PDGFD: variants seen among roughly 807,000 people sequenced by gnomAD.
PDGFD encodes platelet derived growth factor D.
In PDGFD, 30 loss-of-function variants were observed where a neutral mutation model predicts 44.7. The observed-to-expected ratio is 0.67, with a 90% CI of 0.50 to 0.91. The LOEUF is 0.91. PDGFD is among the 40% of genes least tolerant of loss of function. The probability of loss-of-function intolerance (pLI) is 0.00; values close to 1 mark genes in which losing one functional copy is unlikely to be tolerated. For missense variants in PDGFD, 445 were observed against 457.8 expected (o/e 0.97, Z 0.25); for synonymous variants, 173 against 168.4 (o/e 1.03, Z -0.21).
chr11:104,041,870 A>C (rs1860359651), intron 1 of PDGFD, among the ~76,000 whole-genome samples: 1 of 152,238 alleles, frequency 6.6e-6, no homozygotes, highest in Non-Finnish European at 1.5e-5. Context: ...TCTTCACTGC[A>C]GGTATTAACT....
At chr11:103,911,133 G>C (rs1057190323) in intron 6 of PDGFD, among the ~76,000 whole-genome samples, 1 of 152,214 alleles carries the variant, frequency 6.6e-6, no homozygotes, top group Non-Finnish European at 1.5e-5. Flanking sequence ...GAGAACCTGG[G>C]GGAAGGGGTG....
chr11:104,106,198 C>T (rs920416105), intron 1 of PDGFD, among the ~76,000 whole-genome samples: 4 of 152,076 alleles, frequency 2.6e-5, no homozygotes, highest in Non-Finnish European at 4.4e-5. Context: ...CCTCCACGCA[C>T]GATAGTTGTA....
At chr11:104,126,853 G>GA (rs34656428) in intron 1 of PDGFD, among the ~76,000 whole-genome samples, 36,611 of 150,960 alleles carry the variant, frequency 0.24, 4,600 homozygotes, top group East Asian at 0.29. Context: ...CTCCAATTTA[G>GA]AAAAAAAAAT....
At chr11:104,054,723 G>A (rs978727290) in intron 1 of PDGFD, among the ~76,000 whole-genome samples, 1 of 152,154 alleles carries the variant, frequency 6.6e-6, no homozygotes, top group African/African-American at 2.4e-5. Flanking sequence ...GAATAGAAGG[G>A]TAAAGGGAAA....
At chr11:104,134,105 A>G (rs1861965542) in intron 1 of PDGFD, among the ~76,000 whole-genome samples, 1 of 152,142 alleles carries the variant, frequency 6.6e-6, no homozygotes, top group Non-Finnish European at 1.5e-5. Context: ...ATATTTTTGA[A>G]AAGTTATATT....
At chr11:104,159,166 A>C (rs1411364122) in intron 1 of PDGFD, among the ~76,000 whole-genome samples, 1 of 151,770 alleles carries the variant, frequency 6.6e-6, no homozygotes, top group Non-Finnish European at 1.5e-5. Context: ...AAAAAAAAAA[A>C]AAAAAAAACT....
At chr11:103,975,075 T>A (rs1859162685) in intron 3 of PDGFD, among the ~76,000 whole-genome samples, 1 of 152,206 alleles carries the variant, frequency 6.6e-6, no homozygotes, top group Admixed American at 6.5e-5. Context: ...CGCCACACTG[T>A]CTTCCACATT....
intron 1 of PDGFD, among the ~76,000 whole-genome samples, chr11:104,049,683 G>A (rs1040177982): frequency 2.6e-5 from 4 of 152,106 alleles, no homozygotes; most frequent in African/African-American, 7.2e-5. Flanking sequence ...AAACCAATGA[G>A]GTGAGAGGGA....
chr11:103,961,889 C>T (rs1858942535), intron 3 of PDGFD, among the ~76,000 whole-genome samples: 1 of 152,202 alleles, frequency 6.6e-6, no homozygotes, highest in African/African-American at 2.4e-5. Flanking sequence ...ACATACTGTA[C>T]TGCATTACAC....
At position 103,961,027 on chromosome 11, in the gene PDGFD, C is replaced by G. The variant is rs142928129; in HGVS notation, c.511-13303G>C. ...TTTAGGGAAAACCCTCACATTCAAT[C>G]CATAGCATCTTATTCACTTATTTCT... On this transcript the variant is annotated intron_variant, in intron 3 of 6. Transcript: ENST00000393158. Among the ~76,000 whole-genome samples the G allele has an allele frequency of 1.4e-3, 218 of 152,292 alleles. 1 individual carries two copies. The highest frequency in any genetic ancestry group is 2.4e-3 in the Non-Finnish European group (160 of 68,012).
At chr11:104,061,988 C>G (rs1210834373) in intron 1 of PDGFD, among the ~76,000 whole-genome samples, 1 of 152,126 alleles carries the variant, frequency 6.6e-6, no homozygotes, top group Non-Finnish European at 1.5e-5. Flanking sequence ...TCTTAGCATA[C>G]TTTTGGCTTG....
chr11:103,955,209 A>C (rs1040115479), intron 3 of PDGFD, among the ~76,000 whole-genome samples: 26 of 135,978 alleles, frequency 1.9e-4, no homozygotes, highest in South Asian at 4.8e-4. Flanking sequence ...AAAAAAAAAA[A>C]CAGTAATGAA....
chr11:104,102,134 A>G, intron 1 of PDGFD, among the ~76,000 whole-genome samples: 1 of 152,214 alleles, frequency 6.6e-6, no homozygotes, highest in East Asian at 1.9e-4. Flanking sequence ...ATAAGAGAGA[A>G]CAGGCAACCT....
chr11:103,913,806 A>G (rs1858069389), intron 6 of PDGFD, among the ~76,000 whole-genome samples: 2 of 152,180 alleles, frequency 1.3e-5, no homozygotes, highest in African/African-American at 4.8e-5. Context: ...ATAAAAAATG[A>G]TAAAGGGGAT....
At chr11:104,084,782 AAAT>A (rs1308760404) in intron 1 of PDGFD, among the ~76,000 whole-genome samples, 2 of 146,338 alleles carry the variant, frequency 1.4e-5, no homozygotes, top group Middle Eastern at 3.6e-3. Flanking sequence ...ATTATACATA[AAAT>A]AATATAAAAT....
chr11:104,047,675 G>C (rs1259308730), intron 1 of PDGFD, among the ~76,000 whole-genome samples: 3 of 139,396 alleles, frequency 2.2e-5, no homozygotes, highest in South Asian at 2.5e-4. Flanking sequence ...TTCTACTTTT[G>C]AAAAAATTAT....
At chr11:103,932,306 C>T (rs920405803) in intron 5 of PDGFD, among the ~76,000 whole-genome samples, 1 of 152,034 alleles carries the variant, frequency 6.6e-6, no homozygotes, top group Non-Finnish European at 1.5e-5. Context: ...AGCTATTAAA[C>T]CTCTATTATA....
chr11:103,973,341 G>T (rs1859131547), intron 3 of PDGFD, among the ~76,000 whole-genome samples: 1 of 151,052 alleles, frequency 6.6e-6, no homozygotes, highest in Admixed American at 6.6e-5. Context: ...TAGAGACGAG[G>T]TTTCACCGTG....
At chr11:104,103,044 G>C (rs1190212723) in intron 1 of PDGFD, among the ~76,000 whole-genome samples, 9 of 152,014 alleles carry the variant, frequency 5.9e-5, no homozygotes, top group African/African-American at 2.2e-4. Context: ...AAACCTGCAC[G>C]TTGTGCACAT....
Sources: gnomAD v4.1 joint callset for allele counts (sites outside exome capture counted in the v4.1 genomes callset) on GRCh38, gnomAD v4.1.1 for gene constraint, MANE v1.5 for transcripts, NCBI Gene and HGNC (gene_info 2026-07-23, HGNC 2026-07-21) for gene names.